The following SYT2 variants were observed in gnomAD, a reference collection of about 807,000 sequenced individuals.
The protein encoded by SYT2 is synaptotagmin-2.
Under a neutral mutation model 39.9 loss-of-function variants are expected in SYT2, and 15 were observed. That is an observed-to-expected ratio of 0.38 (90% confidence interval 0.25 to 0.58). The LOEUF (loss-of-function observed/expected upper bound fraction) is 0.58. Ranked by LOEUF, SYT2 falls within the 20% of genes least tolerant of loss-of-function variation. The pLI, the probability that SYT2 is intolerant of heterozygous loss-of-function variation, is 0.70. For synonymous variants in SYT2, 181 were observed against 204.5 expected, an observed-to-expected ratio of 0.89 and a Z score of 0.98; for missense variants, 389 against 530.3, an observed-to-expected ratio of 0.73 and a Z score of 2.62.
At chr1:202,634,134 C>T (rs572964855) in intron 1 of SYT2, among the ~76,000 whole-genome samples, 1 of 152,292 alleles carries the variant, frequency 6.6e-6, no homozygotes, top group Non-Finnish European at 1.5e-5. Context: ...CATAATAGTA[C>T]CTACCTTGTA....
Position 202,664,746 on chromosome 1 carries a change from G to A in SYT2, c.-18+45512C>T, listed in dbSNP as rs951114788. ...GCGATCTTGGCTCACTGCAACCTCC[G>A]CCTCCTGAGTTCAAGCGATTCTCCT... On this transcript the variant is annotated intron_variant, in intron 1 of 8. Transcript: ENST00000367268. Among the ~76,000 whole-genome samples, 24 of 152,208 alleles carry A rather than the reference G, an allele frequency of 1.6e-4. No homozygotes were observed. In the East Asian group the frequency reaches 2.7e-3, roughly 17 times the overall value.
At position 202,599,082 on chromosome 1, in the gene SYT2, C is replaced by T; in HGVS notation, c.1053+136G>A. ...TTGGGAAGGAGGCCCCACCCAGGCA[C>T]CATTAGACCTCGAGCCTTCCCCTAC... On this transcript the variant is annotated intron_variant, in intron 8 of 8. Transcript: ENST00000367268. The surrounding 1 kb of genome is among the most constrained non-coding windows in gnomAD (Gnocchi z 4.4). The T allele has an allele frequency of 8.3e-7, 1 of 1,211,664 alleles. No individual in the cohort carries two copies. The highest frequency in any genetic ancestry group is 2.3e-5 in the Admixed American group (1 of 42,622). The allele number at this position is 1,211,664 out of a possible 1,614,324, so 75.1% of individuals were successfully genotyped here.
At chr1:202,692,542 G>A (rs1340789103) in intron 1 of SYT2, among the ~76,000 whole-genome samples, 1 of 152,188 alleles carries the variant, frequency 6.6e-6, no homozygotes, top group African/African-American at 2.4e-5. Flanking sequence ...TCTAACTCAG[G>A]CCTTGCATGT....
At chr1:202,700,212 C>T (rs1319231965) in intron 1 of SYT2, among the ~76,000 whole-genome samples, 1 of 152,168 alleles carries the variant, frequency 6.6e-6, no homozygotes, top group Non-Finnish European at 1.5e-5. Flanking sequence ...CCTGGGCTCC[C>T]TCCACCCCGT....
intron 1 of SYT2, among the ~76,000 whole-genome samples, chr1:202,700,988 CATTT>C (rs1393573500): frequency 4.6e-5 from 7 of 152,198 alleles, no homozygotes; most frequent in Admixed American, 3.9e-4. Context: ...TGACATCATT[CATTT>C]ATCATTTCGA....
chr1:202,605,543 C>T (rs950610064), intron 2 of SYT2, 52 bp downstream of exon 2: 2 of 1,550,726 alleles, frequency 1.3e-6, no homozygotes, highest in South Asian at 1.1e-5. Flanking sequence ...CCTTCTTCAC[C>T]TCTCCCAGAC....
intron 1 of SYT2, among the ~76,000 whole-genome samples, chr1:202,682,978 C>T (rs1438640007): frequency 1.3e-5 from 2 of 152,032 alleles, no homozygotes; most frequent in Non-Finnish European, 2.9e-5. Flanking sequence ...TCCAAACGGC[C>T]AATAAGCATT....
intron 1 of SYT2, among the ~76,000 whole-genome samples, chr1:202,656,258 T>C (rs903787673): frequency 1.3e-5 from 2 of 152,218 alleles, no homozygotes; most frequent in African/African-American, 2.4e-5. Context: ...GAGGCTGAAC[T>C]CTGGGGTCCC....
rs1274544974 is a variant in SYT2 at position 202,693,719 on chromosome 1, C to CA, written c.-18+16538dup. 5.9e-5 allele frequency among the ~76,000 whole-genome samples: 9 copies of CA among 151,710 alleles called. No individual in the cohort carries two copies. In the East Asian group the frequency reaches 9.6e-4, roughly 16 times the overall value. ...CCTGGAGTCAAGTTTGGGACAGTAT[C>CA]AAAAAAAAGATGCACTGTCCATTCC... On this transcript the variant is annotated intron_variant, in intron 1 of 8. Transcript: ENST00000367268.
intron 1 of SYT2, among the ~76,000 whole-genome samples, chr1:202,671,488 G>A (rs1289338652): frequency 1.3e-5 from 2 of 152,264 alleles, no homozygotes; most frequent in Non-Finnish European, 2.9e-5. Flanking sequence ...AGACAAGCTA[G>A]TGAGGAAATG....
rs967377422 is a variant in SYT2, at chr1:202,629,595, C to A, written c.-17-23806G>T. On this transcript the variant is annotated intron_variant, in intron 1 of 8. Coordinates refer to ENST00000367268, the MANE Select transcript of SYT2 (RefSeq NM_177402.5). ...AAGAGGTGAGGTTGCCCAGACTCCCCAAGGGTGTCCCAGCCAAAACCTATC... is the reference window on the plus strand; with the variant it reads ...AAGAGGTGAGGTTGCCCAGACTCCCAAAGGGTGTCCCAGCCAAAACCTATC... Among the ~76,000 whole-genome samples the A allele has an allele frequency of 1.1e-4, 16 of 152,282 alleles. No individual in the cohort carries two copies. In the South Asian group the frequency reaches 1.7e-3, roughly 16 times the overall value.
intron 1 of SYT2, among the ~76,000 whole-genome samples, chr1:202,708,040 TG>T (rs1210330679): frequency 6.6e-6 from 1 of 152,200 alleles, no homozygotes; most frequent in East Asian, 1.9e-4. Flanking sequence ...TCCTCGGCCC[TG>T]CGAGGTCTTC....
At chr1:202,671,077 A>G (rs1347614852) in intron 1 of SYT2, among the ~76,000 whole-genome samples, 1 of 152,208 alleles carries the variant, frequency 6.6e-6, no homozygotes, top group Non-Finnish European at 1.5e-5. Context: ...CAGCTAGCCT[A>G]ATGAAGCAGT....
rs536312971 is a variant in SYT2 at position 202,709,029 on chromosome 1, G to A, written c.-18+1229C>T. ...AGGCCCCGCAGGGCGGCAGCAGTAG[G>A]GGAGGGAGAAGGGCACCCTTTTGCT... On this transcript the variant is annotated intron_variant, in intron 1 of 8. Transcript: ENST00000367268. Among the ~76,000 whole-genome samples the A allele has an allele frequency of 1.8e-3, 274 of 152,338 alleles. 2 individuals carry two copies. Among genetic ancestry groups the A allele is most frequent in the Non-Finnish European group, 2.5e-3 (172 of 68,028 alleles).
At chr1:202,688,057 T>C (rs1365629021) in intron 1 of SYT2, among the ~76,000 whole-genome samples, 4 of 152,134 alleles carry the variant, frequency 2.6e-5, no homozygotes, top group South Asian at 2.1e-4. Flanking sequence ...TCCTGTAGCA[T>C]AGGAAGAGAG....
chr1:202,678,866 C>G (rs1653451356), intron 1 of SYT2, among the ~76,000 whole-genome samples: 1 of 152,150 alleles, frequency 6.6e-6, no homozygotes, highest in South Asian at 2.1e-4. Flanking sequence ...CTGCCACGTT[C>G]AGAGTCTCCA....
At chr1:202,681,883 T>C (rs1653535402) in intron 1 of SYT2, among the ~76,000 whole-genome samples, 1 of 152,162 alleles carries the variant, frequency 6.6e-6, no homozygotes, top group South Asian at 2.1e-4. Context: ...GCTGCTTGCT[T>C]GAGAGCAATT....
At chr1:202,661,520 T>C (rs1171912991) in intron 1 of SYT2, among the ~76,000 whole-genome samples, 1 of 152,156 alleles carries the variant, frequency 6.6e-6, no homozygotes, top group Non-Finnish European at 1.5e-5. Flanking sequence ...CCAAACACGG[T>C]GTCAGGCCAT....
At chr1:202,649,214 G>A (rs1692145292) in intron 1 of SYT2, among the ~76,000 whole-genome samples, 2 of 152,244 alleles carry the variant, frequency 1.3e-5, no homozygotes, top group Admixed American at 1.3e-4. Flanking sequence ...ACTGAAACCA[G>A]CATCAAGTGG....
Sources: allele counts gnomAD v4.1 joint callset (sites outside exome capture counted in the v4.1 genomes callset), GRCh38; gene constraint gnomAD v4.1.1; non-coding constraint Gnocchi (gnomAD v3.1); transcripts MANE v1.5; gene names NCBI Gene and HGNC (gene_info 2026-07-23, HGNC 2026-07-21).